SLFN12L: variants seen among roughly 807,000 people sequenced by gnomAD.
The protein encoded by SLFN12L is schlafen family member 12-like.
SLFN12L carries 34 observed loss-of-function variants against 34.8 expected under a neutral mutation model. The ratio of observed to expected loss-of-function variants is 0.98; its 90% CI spans 0.74 to 1.30. The LOEUF is 1.30. SLFN12L is among the 50% of genes most tolerant of loss of function. SLFN12L has a pLI of 0.00. For synonymous variants in SLFN12L, 259 were observed against 247.5 expected (o/e 1.05, Z -0.44); for missense variants, 703 against 696.2 (o/e 1.01, Z -0.11).
At chr17:35,481,442 T>C (rs1304777444) in intron 2 of SLFN12L, among the ~76,000 whole-genome samples, 1 of 152,224 alleles carries the variant, frequency 6.6e-6, no homozygotes, top group East Asian at 1.9e-4. Context: ...TAGATAGCAG[T>C]AGCAGAAATA....
intron 1 of SLFN12L, among the ~76,000 whole-genome samples, chr17:35,535,124 C>G (rs1796029951): frequency 6.6e-6 from 1 of 151,394 alleles, no homozygotes; most frequent in Admixed American, 6.6e-5. Flanking sequence ...GGGTGAGGCT[C>G]AAATCCAGGA....
intron 2 of SLFN12L, among the ~76,000 whole-genome samples, chr17:35,508,293 T>G (rs1218855067): frequency 6.6e-6 from 1 of 152,178 alleles, no homozygotes; most frequent in African/African-American, 2.4e-5. Context: ...CTGCTGATGC[T>G]CCCAGTGGAG....
intron 2 of SLFN12L, among the ~76,000 whole-genome samples, chr17:35,508,254 C>T (rs756308975): frequency 4.6e-5 from 7 of 152,168 alleles, no homozygotes; most frequent in East Asian, 1.9e-4. Context: ...ATTGCTCACT[C>T]GGGGAGCTCA....
chr17:35,503,167 T>A (rs1915359401), intron 2 of SLFN12L, among the ~76,000 whole-genome samples: 1 of 152,204 alleles, frequency 6.6e-6, no homozygotes, highest in Non-Finnish European at 1.5e-5. Context: ...GAATGTGGAC[T>A]TTTTACCTAC....
At position 35,467,788 on chromosome 17, in the gene SLFN12L, G is replaced by A. The variant is rs1021875363; in HGVS notation, c.*7135C>T. Among the ~76,000 whole-genome samples the A allele has an allele frequency of 4.1e-4, 63 of 152,268 alleles. No individual in the cohort carries two copies. Among genetic ancestry groups the A allele is most frequent in the Non-Finnish European group, 5.7e-4 (39 of 68,008 alleles). On this transcript the variant is annotated 3_prime_UTR_variant, in exon 5 of 5. Transcript: ENST00000628453. ...CAGCTGCTTATCTGATATGGGACCC[G>A]TTTGAGCCTAAACTTCAACCATGAA...
intron 2 of SLFN12L, chr17:35,498,140 G>C: frequency 1.6e-6 from 1 of 617,110 alleles, no homozygotes. Context: ...ACCTGCAGCA[G>C]AGACGACGGA....
In SLFN12L at chr17:35,475,327, C is replaced by T. The variant is rs1156324864; in HGVS notation, c.1435G>A (p.Glu479Lys). 3 of 1,614,076 alleles carry T rather than the reference C, an allele frequency of 1.9e-6. No homozygotes were observed. The highest frequency in any genetic ancestry group is 2.5e-6 in the Non-Finnish European group (3 of 1,180,040). The change falls in exon 5 of 5, where the codon GAG (glutamate) becomes AAG (lysine). Residue 479 changes from glutamate to lysine, a missense_variant. Coordinates refer to ENST00000628453, the MANE Select transcript of SLFN12L (RefSeq NM_001363830.2). ...GCATCACAGAGGACTTTGTGGTTCT[C>T]TTGCAAGCCCAGATCCAAAGACCAG... is the stretch of plus-strand genomic sequence containing the variant. Reference protein sequence around the residue: ...RSWSLDLGLQENHKVLCDALL... With the variant: ...RSWSLDLGLQKNHKVLCDALL...
chr17:35,529,767 A>G (rs2072373216), intron 1 of SLFN12L, among the ~76,000 whole-genome samples: 2 of 152,136 alleles, frequency 1.3e-5, no homozygotes, highest in South Asian at 4.1e-4. Flanking sequence ...TGGGTGCAGC[A>G]AACCACCATG....
At chr17:35,521,275 G>A (rs1180146058) in intron 2 of SLFN12L, among the ~76,000 whole-genome samples, 2 of 152,106 alleles carry the variant, frequency 1.3e-5, no homozygotes, top group African/African-American at 4.8e-5. Flanking sequence ...GAGAAAACTG[G>A]GAAATCCAGA....
At chr17:35,529,764 A>G (rs981540496) in intron 1 of SLFN12L, among the ~76,000 whole-genome samples, 1 of 152,134 alleles carries the variant, frequency 6.6e-6, no homozygotes, top group Non-Finnish European at 1.5e-5. Context: ...TGGTGGGTGC[A>G]GCAAACCACC....
At chr17:35,525,256 G>A (rs756923293) in intron 1 of SLFN12L, among the ~76,000 whole-genome samples, 1 of 152,128 alleles carries the variant, frequency 6.6e-6, no homozygotes. Context: ...AAGTGATGAG[G>A]AGAATGGAAC....
intron 4 of SLFN12L, among the ~76,000 whole-genome samples, chr17:35,476,450 A>AAAGC (rs1464368183): frequency 7.9e-6 from 1 of 126,504 alleles, no homozygotes; most frequent in African/African-American, 3.0e-5. Flanking sequence ...GAAAGAAAAG[A>AAAGC]AAGCAAGGAA....
intron 4 of SLFN12L, among the ~76,000 whole-genome samples, chr17:35,477,571 A>G (rs892333114): frequency 6.6e-6 from 1 of 152,176 alleles, no homozygotes; most frequent in Non-Finnish European, 1.5e-5. Context: ...AATTGCTCCT[A>G]GAAATCAGTA....
In SLFN12L at chr17:35,475,215, G is replaced by A. The variant is rs1913938319; in HGVS notation, c.1547C>T (p.Thr516Ile). Residue 516 changes from threonine to isoleucine, a missense_variant, in exon 5 of 5, where the codon ACT (threonine) becomes ATT (isoleucine). Coordinates refer to ENST00000628453, the MANE Select transcript of SLFN12L (RefSeq NM_001363830.2). The stretch of plus-strand genomic sequence containing the variant: ...CAGCTTCTGTTTTAAAGTTTGGGCA[G>A]TTTGTGTAGAATAGTCTTTAAACTC... ...DEEFKDYSTQ[T>I]AQTLKQKLAK... 4 of 1,614,180 alleles carry A rather than the reference G, an allele frequency of 2.5e-6. No individual in the cohort carries two copies. Among genetic ancestry groups the A allele is most frequent in the South Asian group, 1.1e-5 (1 of 91,092 alleles).
At chr17:35,510,711 GAATT>G (rs1915610787) in intron 2 of SLFN12L, among the ~76,000 whole-genome samples, 1 of 151,256 alleles carries the variant, frequency 6.6e-6, no homozygotes, top group South Asian at 2.1e-4. Context: ...CACTTTGAAA[GAATT>G]AATTATATAG....
chr17:35,498,774 C>A, intron 2 of SLFN12L: 1 of 1,048,210 alleles, frequency 9.5e-7, no homozygotes, highest in Non-Finnish European at 1.4e-6. Context: ...CTATACTGCC[C>A]TGTGCAAAAT....
chr17:35,490,275 C>A (rs542530202), intron 2 of SLFN12L: 3 of 1,505,912 alleles, frequency 2.0e-6, no homozygotes, highest in Admixed American at 1.7e-5. Context: ...GGTTCAAAAA[C>A]CCCCAAGGGC....
intron 2 of SLFN12L, chr17:35,490,715 TTA>T: frequency 1.5e-6 from 2 of 1,376,632 alleles, no homozygotes; most frequent in South Asian, 2.3e-5. Flanking sequence ...TTAGCTTACG[TTA>T]CATATCAACA....
intron 2 of SLFN12L, chr17:35,498,830 A>G: frequency 2.5e-6 from 2 of 791,824 alleles, no homozygotes; most frequent in Non-Finnish European, 4.2e-6. Flanking sequence ...CCAAGACAAC[A>G]GACTAACAGC....
Sources: allele counts gnomAD v4.1 joint callset (sites outside exome capture counted in the v4.1 genomes callset), GRCh38; gene constraint gnomAD v4.1.1; transcripts MANE v1.5; gene names NCBI Gene and HGNC (gene_info 2026-07-23, HGNC 2026-07-21).